VPS13B: variants seen among roughly 807,000 people sequenced by gnomAD.
VPS13B encodes the protein vacuolar protein sorting 13 homolog B, also known as intermembrane lipid transfer protein VPS13B.
In VPS13B, 285 loss-of-function variants were observed where a neutral mutation model predicts 426.4. The ratio of observed to expected loss-of-function variants is 0.67; its 90% CI spans 0.61 to 0.74. The LOEUF (loss-of-function observed/expected upper bound fraction) is 0.74. Ranked by LOEUF, VPS13B falls within the 30% of genes least tolerant of loss-of-function variation. The pLI, the probability that VPS13B is intolerant of heterozygous loss-of-function variation, is 0.00. For synonymous variants in VPS13B, 1,676 were observed against 1,676.4 expected (o/e 1.00, Z 0.01); for missense variants, 4,537 against 4,782.6 (o/e 0.95, Z 1.51).
chr8:99,192,917 A>T lies in VPS13B; in HGVS notation c.2375A>T (p.Glu792Val), dbSNP rs1328146841. 6.2e-7 allele frequency: 1 copy of T among 1,613,378 alleles called. No homozygotes were observed. Among genetic ancestry groups the T allele is most frequent in the Non-Finnish European group, 8.5e-7 (1 of 1,179,792 alleles). Reference protein sequence around the residue: ...SQIAITEGIFELPNLTIQATR... With the variant: ...SQIAITEGIFVLPNLTIQATR... ...ATTGCTATAACTGAAGGTATATTTGAACTTCCAAATCTCACAATTCAAGCT... is the reference window on the plus strand; with the variant it reads ...ATTGCTATAACTGAAGGTATATTTGTACTTCCAAATCTCACAATTCAAGCT... The change falls in exon 17 of 62, where the codon GAA (glutamate) becomes GTA (valine). Residue 792 changes from glutamate to valine, a missense_variant. By Grantham distance (121) the Glu-to-Val change is moderately radical. Coordinates refer to ENST00000357162, the MANE Select transcript of VPS13B (RefSeq NM_152564.5).
At chr8:99,084,984 G>A (rs896824734) in intron 3 of VPS13B, among the ~76,000 whole-genome samples, 21 of 137,020 alleles carry the variant, frequency 1.5e-4, no homozygotes, top group Non-Finnish European at 2.5e-4. Context: ...TTGGTGCAGA[G>A]TTGAGTTCAA....
chr8:99,187,598 ATT>A (rs1813290273), intron 16 of VPS13B, among the ~76,000 whole-genome samples: 1 of 152,134 alleles, frequency 6.6e-6, no homozygotes, highest in African/African-American at 2.4e-5. Context: ...GCTATTAAGG[ATT>A]TGAAAGTTGT....
chr8:99,828,814 C>T (rs1814879811), intron 51 of VPS13B, among the ~76,000 whole-genome samples: 1 of 152,118 alleles, frequency 6.6e-6, no homozygotes, highest in South Asian at 2.1e-4. Flanking sequence ...AATCCCTCAG[C>T]ATTTGCTTGT....
At chr8:99,124,442 T>G (rs1311136688) in intron 8 of VPS13B, among the ~76,000 whole-genome samples, 2 of 152,182 alleles carry the variant, frequency 1.3e-5, no homozygotes, top group African/African-American at 4.8e-5. Flanking sequence ...AATAAAAAAC[T>G]GGTATTCAAA....
chr8:99,096,730 TG>T (rs1846443311), intron 4 of VPS13B, among the ~76,000 whole-genome samples: 2 of 144,796 alleles, frequency 1.4e-5, no homozygotes, highest in Non-Finnish European at 3.0e-5. Flanking sequence ...CATTCCAGCC[TG>T]GGTGACAGAG....
intron 19 of VPS13B, among the ~76,000 whole-genome samples, chr8:99,326,821 G>A (rs1376553075): frequency 6.6e-6 from 1 of 151,830 alleles, no homozygotes. Flanking sequence ...AAAATAAATG[G>A]CCTCTTACTA....
intron 14 of VPS13B, among the ~76,000 whole-genome samples, chr8:99,148,886 C>T (rs1485013418): frequency 6.6e-6 from 1 of 152,184 alleles, no homozygotes; most frequent in Non-Finnish European, 1.5e-5. Context: ...TGTAGCTTAG[C>T]GCATATGTGG....
chr8:99,498,890 T>G (rs1821077476), intron 25 of VPS13B, among the ~76,000 whole-genome samples: 1 of 152,180 alleles, frequency 6.6e-6, no homozygotes, highest in African/African-American at 2.4e-5. Flanking sequence ...TTGACTTAAG[T>G]ACAAACAGTG....
chr8:99,623,850 C>G (rs927660905), intron 33 of VPS13B, among the ~76,000 whole-genome samples: 10 of 151,914 alleles, frequency 6.6e-5, no homozygotes, highest in Admixed American at 6.6e-4. Flanking sequence ...TTTTGAAAAT[C>G]AGATACTCTC....
intron 33 of VPS13B, among the ~76,000 whole-genome samples, chr8:99,607,725 G>A (rs1827660786): frequency 6.6e-6 from 1 of 151,986 alleles, no homozygotes; most frequent in Non-Finnish European, 1.5e-5. Flanking sequence ...ATGTGGGTTG[G>A]CTATAACTCA....
At chr8:99,246,004 A>G (rs1254967041) in intron 17 of VPS13B, among the ~76,000 whole-genome samples, 1 of 152,238 alleles carries the variant, frequency 6.6e-6, no homozygotes, top group Non-Finnish European at 1.5e-5. Flanking sequence ...ATTAAAAATC[A>G]ATTATATTTT....
chr8:99,701,354 TCAAA>T (rs1832273839), intron 36 of VPS13B, among the ~76,000 whole-genome samples: 1 of 152,168 alleles, frequency 6.6e-6, no homozygotes. Context: ...AGGTTAAGAC[TCAAA>T]CAAAATGGAA....
intron 59 of VPS13B, among the ~76,000 whole-genome samples, chr8:99,870,059 A>G (rs1325126642): frequency 2.6e-5 from 4 of 152,238 alleles, no homozygotes; most frequent in African/African-American, 7.2e-5. Context: ...GTCGCTTAGC[A>G]TTTAAGTAGT....
At chr8:99,054,304 G>T (rs573646116) in intron 3 of VPS13B, among the ~76,000 whole-genome samples, 1 of 152,262 alleles carries the variant, frequency 6.6e-6, no homozygotes, top group African/African-American at 2.4e-5. Flanking sequence ...GTGTACAAAG[G>T]TTTCAGTTTT....
chr8:99,665,481 G>T (rs1299403320), intron 35 of VPS13B, among the ~76,000 whole-genome samples: 6 of 152,112 alleles, frequency 3.9e-5, no homozygotes, highest in African/African-American at 1.4e-4. Flanking sequence ...AATCCATCTT[G>T]AATTAATTTT....
chr8:99,383,332 C>T (rs1237679923), intron 19 of VPS13B, among the ~76,000 whole-genome samples: 5 of 152,002 alleles, frequency 3.3e-5, no homozygotes, highest in Non-Finnish European at 7.4e-5. Context: ...TCTTTCAAAT[C>T]ATGAATCAAT....
intron 14 of VPS13B, among the ~76,000 whole-genome samples, chr8:99,151,278 C>T (rs1039467114): frequency 2.4e-4 from 36 of 152,148 alleles, no homozygotes; most frequent in African/African-American, 8.7e-4. Context: ...GGGTAACAGT[C>T]CTTTATCAGA....
intron 54 of VPS13B, among the ~76,000 whole-genome samples, chr8:99,836,723 A>G (rs1474155371): frequency 6.6e-6 from 1 of 152,238 alleles, no homozygotes; most frequent in African/African-American, 2.4e-5. Flanking sequence ...GTTACAAACC[A>G]TATATTAAAG....
chr8:99,225,145 A>G (rs1815943812), intron 17 of VPS13B, among the ~76,000 whole-genome samples: 1 of 152,218 alleles, frequency 6.6e-6, no homozygotes. Flanking sequence ...TTCAGCTACA[A>G]CCCATACACT....
Sources: allele counts gnomAD v4.1 joint callset (sites outside exome capture counted in the v4.1 genomes callset), GRCh38; gene constraint gnomAD v4.1.1; transcripts MANE v1.5; gene names NCBI Gene and HGNC (gene_info 2026-07-23, HGNC 2026-07-21).